The following MID2 variants were observed in gnomAD, a reference collection of about 807,000 sequenced individuals.
MID2 encodes midline 2.
Under a neutral mutation model 46.1 loss-of-function variants are expected in MID2, and 13 were observed. The ratio of observed to expected loss-of-function variants is 0.28; its 90% CI spans 0.18 to 0.45. The LOEUF is 0.45. MID2 is among the 20% of genes least tolerant of loss of function. MID2 has a pLI of 1.00. For synonymous variants in MID2, 199 were observed against 212.3 expected, an observed-to-expected ratio of 0.94 and a Z score of 0.55; for missense variants, 431 against 575.4, an observed-to-expected ratio of 0.75 and a Z score of 2.57.
At chrX:107,892,868 C>T (rs150104874) in intron 3 of MID2, among the ~76,000 whole-genome samples, 11 of 112,487 alleles carry the variant, frequency 9.8e-5, no homozygotes, top group South Asian at 3.7e-4. Context: ...ATCCTTTTTA[C>T]GTGATAAACC....
At chrX:107,861,018 G>A (rs1931840529) in intron 3 of MID2, among the ~76,000 whole-genome samples, 1 of 111,958 alleles carries the variant, frequency 8.9e-6, no homozygotes, top group African/African-American at 3.3e-5. Context: ...GATGTCTCTT[G>A]TTAATCATGG....
chrX:107,886,478 C>CTA (rs1390063857), intron 3 of MID2, among the ~76,000 whole-genome samples: 1 of 111,887 alleles, frequency 8.9e-6, no homozygotes, highest in Non-Finnish European at 1.9e-5. Context: ...TTCCATTGAT[C>CTA]TATATCTCTG....
chrX:107,829,243 C>T (rs7879230), intron 1 of MID2, among the ~76,000 whole-genome samples: 22,074 of 111,301 alleles, frequency 0.2, 2,310 homozygotes, highest in African/African-American at 0.4. Context: ...TGGGTGTAAG[C>T]AGGAATCTTA....
At chrX:107,892,658 G>C (rs747275232) in intron 3 of MID2, among the ~76,000 whole-genome samples, 1 of 111,531 alleles carries the variant, frequency 9.0e-6, no homozygotes, top group East Asian at 2.8e-4. Context: ...ATTATGATCT[G>C]GCCCCTACCT....
At chrX:107,868,858 GT>G (rs1932010567) in intron 3 of MID2, among the ~76,000 whole-genome samples, 1 of 110,828 alleles carries the variant, frequency 9.0e-6, no homozygotes, top group Non-Finnish European at 1.9e-5. Context: ...TAGCATATAG[GT>G]CACACTTAAA....
intron 5 of MID2, among the ~76,000 whole-genome samples, chrX:107,910,324 A>G (rs1004905391): frequency 2.7e-5 from 3 of 112,363 alleles, no homozygotes; most frequent in African/African-American, 9.7e-5. Flanking sequence ...CAAGGATAAC[A>G]GGATTTCCTC....
At chrX:107,867,994 G>A (rs1931993152) in intron 3 of MID2, among the ~76,000 whole-genome samples, 1 of 111,599 alleles carries the variant, frequency 9.0e-6, no homozygotes, top group Non-Finnish European at 1.9e-5. Context: ...ATATAATTAA[G>A]GCAAATGGAG....
At chrX:107,861,111 G>A (rs1403284665) in intron 3 of MID2, among the ~76,000 whole-genome samples, 1 of 111,496 alleles carries the variant, frequency 9.0e-6, no homozygotes, top group Non-Finnish European at 1.9e-5. Flanking sequence ...GGACAGCAAA[G>A]GAGAAACAAA....
intron 1 of MID2, 77 bp from the exon 2 acceptor site, chrX:107,840,593 A>G: frequency 1.2e-6 from 1 of 821,998 alleles, no homozygotes; most frequent in Non-Finnish European, 1.8e-6. Context: ...AAACGCGCCC[A>G]TTGGTTAGTG....
rs180691544 is a variant in MID2, at chrX:107,883,044, G to A, written c.817-20914G>A. ...CCATAAAAAAGTATGAGTTCCTGTC[G>A]TTTGCAGGGACATGGATGAAGCTGG... On this transcript the variant is annotated intron_variant, in intron 3 of 9. Transcript: ENST00000262843. Among the ~76,000 whole-genome samples, 496 of 111,495 alleles carry A rather than the reference G, an allele frequency of 4.4e-3. 1 individual carries two copies. The highest frequency in any genetic ancestry group is 5.1e-3 in the Non-Finnish European group (269 of 53,107).
intron 2 of MID2, among the ~76,000 whole-genome samples, chrX:107,846,666 T>A (rs1432883396): frequency 1.8e-5 from 2 of 112,130 alleles, no homozygotes; most frequent in Non-Finnish European, 1.9e-5. Flanking sequence ...CTTATATTGA[T>A]TTCTCTGTCT....
chrX:107,858,836 T>A (rs976612419), intron 3 of MID2, among the ~76,000 whole-genome samples: 1 of 112,340 alleles, frequency 8.9e-6, no homozygotes, highest in African/African-American at 3.2e-5. Context: ...TGTGATACAA[T>A]GGCTTAATCC....
intron 1 of MID2, among the ~76,000 whole-genome samples, chrX:107,831,337 A>G (rs1331094258): frequency 8.9e-6 from 1 of 112,140 alleles, no homozygotes; most frequent in East Asian, 2.8e-4. Context: ...ACTGAGACCG[A>G]ACAATCTGAT....
intron 2 of MID2, among the ~76,000 whole-genome samples, chrX:107,853,492 G>A (rs754663595): frequency 2.0e-4 from 22 of 110,578 alleles, no homozygotes; most frequent in Non-Finnish European, 4.0e-4. Context: ...TTGAGATGTG[G>A]TTTTGTTGTG....
chrX:107,917,139 C>CTATA (rs756442273), intron 6 of MID2, among the ~76,000 whole-genome samples: 1,220 of 109,441 alleles, frequency 0.011, 10 homozygotes, highest in African/African-American at 0.038. Flanking sequence ...AAAAATCTGT[C>CTATA]TATATATATA....
At chrX:107,918,453 T>C (rs988714511) in intron 7 of MID2, among the ~76,000 whole-genome samples, 2 of 111,853 alleles carry the variant, frequency 1.8e-5, no homozygotes, top group Non-Finnish European at 3.8e-5. Flanking sequence ...TAGCTGCAAA[T>C]TAGTATTTTC....
chrX:107,900,704 C>T (rs944933036), intron 3 of MID2, among the ~76,000 whole-genome samples: 1 of 112,176 alleles, frequency 8.9e-6, no homozygotes, highest in Non-Finnish European at 1.9e-5. Context: ...TAATCTAAGT[C>T]TTATTCCATC....
At chrX:107,838,689 T>C (rs1244209526) in intron 1 of MID2, among the ~76,000 whole-genome samples, 1 of 112,658 alleles carries the variant, frequency 8.9e-6, no homozygotes, top group Non-Finnish European at 1.9e-5. Flanking sequence ...ATAATTGTAC[T>C]CAGTACTTAT....
intron 3 of MID2, among the ~76,000 whole-genome samples, chrX:107,859,235 A>G (rs1931806396): frequency 8.9e-6 from 1 of 112,115 alleles, no homozygotes; most frequent in African/African-American, 3.2e-5. Context: ...AAACACTGCT[A>G]TGGATGATTT....
Sources: gnomAD v4.1 joint callset for allele counts (sites outside exome capture counted in the v4.1 genomes callset) on GRCh38, gnomAD v4.1.1 for gene constraint, MANE v1.5 for transcripts, NCBI Gene and HGNC (gene_info 2026-07-23, HGNC 2026-07-21) for gene names.